The following TRHDE variants were observed in gnomAD, a reference collection of about 807,000 sequenced individuals.
The protein encoded by TRHDE is thyrotropin releasing hormone degrading enzyme.
TRHDE carries 72 observed loss-of-function variants against 125.7 expected under a neutral mutation model. The ratio of observed to expected loss-of-function variants is 0.57; its 90% CI spans 0.47 to 0.70. TRHDE has a LOEUF of 0.70. TRHDE is among the 30% of genes least tolerant of loss of function. TRHDE has a pLI of 0.00. For missense variants in TRHDE, 1,110 were observed against 1,327.1 expected (o/e 0.84, Z 2.54); for synonymous variants, 509 against 509.1 (o/e 1.00, Z 0.00).
chr12:72,380,800 TTCCTTCCTTCCTTCCTTATTCCCTCCC>T (rs1872131957), intron 3 of TRHDE, among the ~76,000 whole-genome samples: 1 of 144,898 alleles, frequency 6.9e-6, no homozygotes, highest in Admixed American at 6.9e-5. Context: ...CCTTCCTTCC[TTCCTTCCTTCCTTCCTTATTCCCTCCC>T]TCTCTCCCTC....
intron 3 of TRHDE, among the ~76,000 whole-genome samples, chr12:72,392,251 T>G (rs1872637790): frequency 6.6e-6 from 1 of 152,202 alleles, no homozygotes; most frequent in East Asian, 1.9e-4. Flanking sequence ...ATGTAAGGCT[T>G]GGATCATTTT....
At chr12:72,103,480 C>A (rs1278844872) in intron 1 of TRHDE, among the ~76,000 whole-genome samples, 1 of 152,060 alleles carries the variant, frequency 6.6e-6, no homozygotes, top group Non-Finnish European at 1.5e-5. Context: ...AAAGATACGA[C>A]TTACAGCATC....
intron 2 of TRHDE, among the ~76,000 whole-genome samples, chr12:72,370,993 C>T (rs947960225): frequency 3.3e-5 from 5 of 152,162 alleles, no homozygotes; most frequent in Non-Finnish European, 1.5e-5. Context: ...GATCCACCTG[C>T]CTTGGCCTCC....
At chr12:72,571,923 G>A (rs1231692195) in intron 10 of TRHDE, among the ~76,000 whole-genome samples, 1 of 148,390 alleles carries the variant, frequency 6.7e-6, no homozygotes, top group African/African-American at 2.5e-5. Context: ...GTAAAGAGGT[G>A]GCTTTAGAAA....
chr12:72,625,795 C>T (rs1325388174), intron 15 of TRHDE, among the ~76,000 whole-genome samples: 1 of 151,884 alleles, frequency 6.6e-6, no homozygotes, highest in Non-Finnish European at 1.5e-5. Context: ...TGCCTGCCCC[C>T]TAACACTGTT....
intron 3 of TRHDE, among the ~76,000 whole-genome samples, chr12:72,454,186 GT>G (rs201465755): frequency 2.6e-4 from 39 of 150,452 alleles, no homozygotes; most frequent in Middle Eastern, 6.8e-3. Context: ...TGATAAATTT[GT>G]TTTTTTTTAA....
chr12:72,522,815 G>A (rs1029461036), intron 6 of TRHDE, among the ~76,000 whole-genome samples: 1 of 152,084 alleles, frequency 6.6e-6, no homozygotes, highest in African/African-American at 2.4e-5. Context: ...AACATGCAGA[G>A]CATGCCCCTC....
chr12:72,599,239 T>C (rs1349912554), intron 12 of TRHDE, among the ~76,000 whole-genome samples: 3 of 152,250 alleles, frequency 2.0e-5, no homozygotes, highest in South Asian at 2.1e-4. Context: ...TTTGGATATA[T>C]ACCTAGTAAT....
chr12:72,205,967 G>A (rs1213366103), intron 2 of TRHDE, among the ~76,000 whole-genome samples: 2 of 151,922 alleles, frequency 1.3e-5, no homozygotes, highest in South Asian at 4.2e-4. Flanking sequence ...ATAATCCCAC[G>A]AATACTGCAC....
chr12:72,450,869 G>A (rs919481389), intron 3 of TRHDE, among the ~76,000 whole-genome samples: 1 of 151,974 alleles, frequency 6.6e-6, no homozygotes, highest in African/African-American at 2.4e-5. Flanking sequence ...ACTCATTGTG[G>A]TTCTCATTTG....
intron 6 of TRHDE, among the ~76,000 whole-genome samples, chr12:72,517,373 G>T (rs1878928371): frequency 6.6e-6 from 1 of 152,076 alleles, no homozygotes. Context: ...TTAGTCTTGG[G>T]AGAGTGCATG....
At chr12:72,295,347 A>G (rs1880253601) in intron 2 of TRHDE, among the ~76,000 whole-genome samples, 2 of 152,124 alleles carry the variant, frequency 1.3e-5, no homozygotes, top group South Asian at 4.1e-4. Flanking sequence ...TCCCTGATGC[A>G]GCCAGTGTGA....
At chr12:72,323,241 A>G (rs1869180713) in intron 2 of TRHDE, among the ~76,000 whole-genome samples, 1 of 152,156 alleles carries the variant, frequency 6.6e-6, no homozygotes, top group African/African-American at 2.4e-5. Context: ...TAAAGGATAA[A>G]TTAGATCCTA....
At position 72,485,113 on chromosome 12, in the gene TRHDE, C is replaced by T. The variant is rs187810934; in HGVS notation, c.1584+11933C>T. Reference sequence around the variant, plus strand: ...GCTGCAGTTTTTGCTACTAGAGACTCCTTCAGTCTTCGTAGGCTCTGAGCC... The same window carrying T: ...GCTGCAGTTTTTGCTACTAGAGACTTCTTCAGTCTTCGTAGGCTCTGAGCC... On this transcript the variant is annotated intron_variant, in intron 5 of 18. Coordinates refer to ENST00000261180, the MANE Select transcript of TRHDE (RefSeq NM_013381.3). 7.6e-4 allele frequency among the ~76,000 whole-genome samples: 115 copies of T among 152,230 alleles called. 1 individual carries two copies. The highest frequency in any genetic ancestry group is 1.3e-3 in the Non-Finnish European group (91 of 68,006).
intron 6 of TRHDE, among the ~76,000 whole-genome samples, chr12:72,508,572 G>A (rs1878451506): frequency 6.6e-6 from 1 of 152,128 alleles, no homozygotes; most frequent in Admixed American, 6.5e-5. Context: ...ATTCTATCTT[G>A]GAAGTAACTA....
chr12:72,361,231 T>C (rs901712350), intron 2 of TRHDE, among the ~76,000 whole-genome samples: 3 of 151,936 alleles, frequency 2.0e-5, no homozygotes, highest in Admixed American at 6.6e-5. Context: ...ACATTGACTT[T>C]ACCATGTTAA....
chr12:72,587,867 T>C (rs1486089336), intron 12 of TRHDE, among the ~76,000 whole-genome samples: 1 of 152,198 alleles, frequency 6.6e-6, no homozygotes, highest in Admixed American at 6.5e-5. Flanking sequence ...TTGGTCTGTT[T>C]TTTAAATTTT....
intron 12 of TRHDE, among the ~76,000 whole-genome samples, chr12:72,618,582 T>G (rs1216732106): frequency 6.6e-6 from 1 of 152,126 alleles, no homozygotes; most frequent in Non-Finnish European, 1.5e-5. Flanking sequence ...TGTTAACCTC[T>G]GAAGAGTTTC....
At chr12:72,363,364 A>G (rs1178062347) in intron 2 of TRHDE, among the ~76,000 whole-genome samples, 2 of 151,942 alleles carry the variant, frequency 1.3e-5, no homozygotes, top group Non-Finnish European at 2.9e-5. Context: ...TGATGCCAAA[A>G]TCCTCAATAA....
Sources: gnomAD v4.1 joint callset for allele counts (sites outside exome capture counted in the v4.1 genomes callset) on GRCh38, gnomAD v4.1.1 for gene constraint, MANE v1.5 for transcripts, NCBI Gene and HGNC (gene_info 2026-07-23, HGNC 2026-07-21) for gene names.